EVC: variants seen among roughly 807,000 people sequenced by gnomAD.
The protein encoded by EVC is evC complex member EVC.
EVC carries 116 observed loss-of-function variants against 118.9 expected under a neutral mutation model. That is an observed-to-expected ratio of 0.98 (90% confidence interval 0.84 to 1.14). The LOEUF is 1.14. Among genes scored for constraint, EVC ranks in the 50% most tolerant of loss-of-function variants. EVC has a pLI of 0.00. For missense variants in EVC, 1,401 were observed against 1,246.4 expected, an observed-to-expected ratio of 1.12 and a Z score of -1.87; for synonymous variants, 619 against 534.7, an observed-to-expected ratio of 1.16 and a Z score of -2.18.
chr4:5,767,831 C>G (rs573058610), intron 11 of EVC, among the ~76,000 whole-genome samples: 1 of 152,170 alleles, frequency 6.6e-6, no homozygotes, highest in Non-Finnish European at 1.5e-5. Context: ...AACCCAGTAC[C>G]TCATGTGGAA....
Position 5,752,658 on chromosome 4 carries a change from C to T in EVC, c.1099-178C>T, listed in dbSNP as rs559595778. The T allele has an allele frequency of 3.1e-5, 22 of 707,276 alleles. 1 individual carries two copies. The East Asian group carries it at 4.0e-4, about 13-fold the overall frequency. 43.8% of individuals were successfully genotyped at this position (707,276 alleles called of 1,614,324 possible). A position where few individuals can be genotyped will look rare whatever the true frequency, so the allele number is the denominator to read the frequency against. On this transcript the variant is annotated intron_variant, in intron 8 of 20. Coordinates refer to ENST00000264956, the MANE Select transcript of EVC (RefSeq NM_153717.3). ...TAGGAGAGACACTTAATCCCCACCT[C>T]GGGGGCAGACGCAGATCTCGCTCAT...
chr4:5,824,506 C>T, the EVC span: 1 of 985,130 alleles, frequency 1.0e-6, no homozygotes, highest in Non-Finnish European at 1.2e-6. Flanking sequence ...CTCTCTTTGC[C>T]CCTTCCACTC....
chr4:5,749,011 C>T lies in EVC; in HGVS notation c.1098+705C>T, dbSNP rs1343218995. Among the ~76,000 whole-genome samples, 1 of 151,956 alleles carries T rather than the reference C, an allele frequency of 6.6e-6. No homozygotes were observed. Among genetic ancestry groups the T allele is most frequent in the Non-Finnish European group, 1.5e-5 (1 of 68,000 alleles). On this transcript the variant is annotated intron_variant, in intron 8 of 20. Coordinates refer to ENST00000264956, the MANE Select transcript of EVC (RefSeq NM_153717.3). The surrounding 1 kb of genome is among the most constrained non-coding windows in gnomAD (Gnocchi z 4.4). ...TGGGCATTGGGGTTTTTAGAGCTCC[C>T]CAATGACGATGGTGGGAGCTGGGGT... is the stretch of plus-strand genomic sequence containing the variant.
chr4:5,791,349 A>G (rs1289186410), intron 12 of EVC, among the ~76,000 whole-genome samples: 1 of 152,196 alleles, frequency 6.6e-6, no homozygotes, highest in East Asian at 1.9e-4. Context: ...ACAATTTTCA[A>G]AACAGTAAGT....
intron 2 of EVC, among the ~76,000 whole-genome samples, chr4:5,726,671 C>T (rs1403464254): frequency 1.3e-5 from 2 of 150,368 alleles, no homozygotes; most frequent in East Asian, 3.9e-4. Flanking sequence ...GCTGCACCCA[C>T]TAACTCGTCA....
intron 2 of EVC, among the ~76,000 whole-genome samples, chr4:5,726,997 G>T (rs1725961485): frequency 6.6e-6 from 1 of 152,102 alleles, no homozygotes; most frequent in Non-Finnish European, 1.5e-5. Context: ...TTGGTTCCAA[G>T]TCTTTGCTAT....
chr4:5,783,485 G>T, intron 11 of EVC, 67 bp from the exon 12 acceptor site: 1 of 1,486,960 alleles, frequency 6.7e-7, no homozygotes, highest in South Asian at 1.1e-5. Flanking sequence ...GAGAGGCAGA[G>T]AGCAGCTCAG....
chr4:5,712,915 G>A (rs1165596272), intron 1 of EVC, among the ~76,000 whole-genome samples: 1 of 152,200 alleles, frequency 6.6e-6, no homozygotes, highest in Non-Finnish European at 1.5e-5. Flanking sequence ...TGAGGTGGAG[G>A]AACTGCCATT....
intron 2 of EVC, among the ~76,000 whole-genome samples, chr4:5,724,663 C>T (rs546309762): frequency 1.3e-5 from 2 of 151,456 alleles, no homozygotes; most frequent in South Asian, 4.2e-4. Context: ...TCCTTGGAAG[C>T]TTGGGGAGGT....
intron 11 of EVC, among the ~76,000 whole-genome samples, chr4:5,760,068 C>T (rs1242041481): frequency 6.6e-6 from 1 of 152,064 alleles, no homozygotes; most frequent in Non-Finnish European, 1.5e-5. Context: ...ATTATCCTTT[C>T]CAAAGGAGGC....
chr4:5,755,150 T>C lies in EVC; in HGVS notation c.1465-1114T>C, dbSNP rs914620631. ...CAAAGGGGTAGGGTAGGTTTTTCTA[T>C]CTTTGAGACCCATTTGAAATAAGAG... On this transcript the variant is annotated intron_variant, in intron 10 of 20. Transcript: ENST00000264956. This position sits in a 1 kb window ranked among gnomAD's most constrained non-coding sequence, Gnocchi z 4.1. Among the ~76,000 whole-genome samples the C allele has an allele frequency of 1.3e-5, 2 of 152,148 alleles. No homozygotes were observed. Among genetic ancestry groups the C allele is most frequent in the African/African-American group, 4.8e-5 (2 of 41,436 alleles).
chr4:5,766,410 T>C (rs913061489), intron 11 of EVC, among the ~76,000 whole-genome samples: 7 of 134,944 alleles, frequency 5.2e-5, no homozygotes, highest in Admixed American at 1.5e-4. Flanking sequence ...AGGAGTATCT[T>C]GGTGGCGTTC....
chr4:5,756,143 A>G lies in EVC; in HGVS notation c.1465-121A>G, dbSNP rs1294145550. On this transcript the variant is annotated intron_variant, in intron 10 of 20. Coordinates refer to ENST00000264956, the MANE Select transcript of EVC (RefSeq NM_153717.3). This position sits in a 1 kb window ranked among gnomAD's most constrained non-coding sequence, Gnocchi z 4.2. ...CCATGCCTCAGTTTCCTTGTGTGTA[A>G]TACAGGTGCCAACATCCTTCTTTCT... The G allele has an allele frequency of 1.3e-6, 1 of 779,068 alleles. No homozygotes were observed. The highest frequency in any genetic ancestry group is 2.7e-5 in the East Asian group (1 of 37,290). 48.3% of individuals were successfully genotyped at this position (779,068 alleles called of 1,614,324 possible). A position where few individuals can be genotyped will look rare whatever the true frequency, so the allele number is the denominator to read the frequency against.
At chr4:5,769,718 G>C (rs755995248) in intron 11 of EVC, among the ~76,000 whole-genome samples, 1 of 152,128 alleles carries the variant, frequency 6.6e-6, no homozygotes, top group Non-Finnish European at 1.5e-5. Context: ...CTCTTGAAAG[G>C]CTCTGGGAGA....
At chr4:5,790,574 C>T (rs965869410) in intron 12 of EVC, among the ~76,000 whole-genome samples, 1 of 152,028 alleles carries the variant, frequency 6.6e-6, no homozygotes, top group Admixed American at 6.5e-5. Context: ...GATGTGAGAT[C>T]GTCAGGGAGG....
At chr4:5,793,882 GATA>G (rs1713263812) in intron 13 of EVC, among the ~76,000 whole-genome samples, 165 bp downstream of exon 13, 2 of 152,108 alleles carry the variant, frequency 1.3e-5, no homozygotes, top group Non-Finnish European at 2.9e-5. Context: ...TATAAAATGG[GATA>G]ATGCTATCTA....
chr4:5,824,230 A>G, the EVC span: 1 of 930,388 alleles, frequency 1.1e-6, no homozygotes, highest in Non-Finnish European at 1.3e-6. Flanking sequence ...TGTTGCACCC[A>G]GATAGCTTTT....
intron 17 of EVC, among the ~76,000 whole-genome samples, chr4:5,807,003 A>G (rs1173509348): frequency 6.6e-6 from 1 of 151,944 alleles, no homozygotes; most frequent in African/African-American, 2.4e-5. Flanking sequence ...ACGTCTATTC[A>G]TGTCCATAGG....
chr4:5,772,844 T>G (rs1436912759), intron 11 of EVC, among the ~76,000 whole-genome samples: 1 of 152,142 alleles, frequency 6.6e-6, no homozygotes, highest in Admixed American at 6.5e-5. Context: ...CCTGAAACTG[T>G]CTTCCTCCCT....
Sources: allele counts gnomAD v4.1 joint callset (sites outside exome capture counted in the v4.1 genomes callset), GRCh38; gene constraint gnomAD v4.1.1; non-coding constraint Gnocchi (gnomAD v3.1); transcripts MANE v1.5; gene names NCBI Gene and HGNC (gene_info 2026-07-23, HGNC 2026-07-21).